Variants in XKR6 observed in about 807,000 individuals in gnomAD.
The protein encoded by XKR6 is XK-related protein 6.
In XKR6, 22 loss-of-function variants were observed where a neutral mutation model predicts 56.7. The ratio of observed to expected loss-of-function variants is 0.39; its 90% CI spans 0.28 to 0.55. The LOEUF is 0.55. Among genes scored for constraint, XKR6 ranks in the 20% least tolerant of loss-of-function variants. The probability of loss-of-function intolerance (pLI) is 0.66; values close to 1 mark genes in which losing one functional copy is unlikely to be tolerated. For missense variants in XKR6, 852 were observed against 889.0 expected (o/e 0.96, Z 0.53); for synonymous variants, 524 against 387.8 (o/e 1.35, Z -4.13).
intron 1 of XKR6, among the ~76,000 whole-genome samples, chr8:11,075,953 A>G (rs1044927210): frequency 1.1e-4 from 16 of 152,220 alleles, no homozygotes; most frequent in African/African-American, 3.4e-4. Flanking sequence ...TCAATAGCCA[A>G]AAGATGGAAG....
chr8:11,137,746 A>C (rs1226676707), intron 1 of XKR6: 1 of 455,702 alleles, frequency 2.2e-6, no homozygotes, highest in South Asian at 1.6e-5. Context: ...TTGGCTCTGA[A>C]TCGAATCCTG....
chr8:11,157,928 C>A (rs1024975060), intron 1 of XKR6, among the ~76,000 whole-genome samples: 1 of 152,146 alleles, frequency 6.6e-6, no homozygotes, highest in Non-Finnish European at 1.5e-5. Flanking sequence ...CTCCATCAAG[C>A]GGCATTAGAT....
chr8:11,010,275 C>A (rs896682590), intron 1 of XKR6, among the ~76,000 whole-genome samples: 2 of 152,144 alleles, frequency 1.3e-5, no homozygotes, highest in South Asian at 4.2e-4. Context: ...GATCCAATAA[C>A]CTCCCACCGG....
At chr8:11,187,695 G>C (rs1310511798) in intron 1 of XKR6, among the ~76,000 whole-genome samples, 1 of 152,118 alleles carries the variant, frequency 6.6e-6, no homozygotes, top group African/African-American at 2.4e-5. Context: ...GTGGGCATGG[G>C]GGTGGCTGGT....
chr8:11,099,041 G>A (rs916587231), intron 1 of XKR6, among the ~76,000 whole-genome samples: 5 of 152,060 alleles, frequency 3.3e-5, no homozygotes, highest in African/African-American at 1.2e-4. Flanking sequence ...TAGCCCCTGG[G>A]CACCCTCAAC....
intron 1 of XKR6, among the ~76,000 whole-genome samples, chr8:10,968,047 G>T (rs1320260335): frequency 6.6e-6 from 1 of 152,194 alleles, no homozygotes; most frequent in Non-Finnish European, 1.5e-5. Context: ...AGGCCCTGCA[G>T]CACCCCCCAG....
chr8:11,095,159 CAT>C (rs1173976776), intron 1 of XKR6, among the ~76,000 whole-genome samples: 1 of 152,210 alleles, frequency 6.6e-6, no homozygotes, highest in Non-Finnish European at 1.5e-5. Context: ...AATATTAACT[CAT>C]GAGTAGCGTT....
chr8:11,039,975 C>T (rs565626690), intron 1 of XKR6, among the ~76,000 whole-genome samples: 14 of 152,306 alleles, frequency 9.2e-5, no homozygotes, highest in Non-Finnish European at 1.6e-4. Flanking sequence ...TTATGCCACC[C>T]GGCTGGGGTT....
At chr8:11,148,231 CA>C (rs955337495) in intron 1 of XKR6, among the ~76,000 whole-genome samples, 3 of 150,842 alleles carry the variant, frequency 2.0e-5, no homozygotes, top group Non-Finnish European at 3.0e-5. Context: ...GACAAACAAA[CA>C]AAAAAAAACT....
chr8:11,087,446 C>T (rs746299634), intron 1 of XKR6, among the ~76,000 whole-genome samples: 13 of 152,140 alleles, frequency 8.5e-5, no homozygotes, highest in Non-Finnish European at 1.5e-4. Flanking sequence ...ATTAACTTTC[C>T]GCACAGCAAC....
At chr8:11,033,340 G>A (rs1226256243) in intron 1 of XKR6, among the ~76,000 whole-genome samples, 17 of 143,438 alleles carry the variant, frequency 1.2e-4, no homozygotes, top group African/African-American at 2.4e-4. Context: ...GGTGATGGTG[G>A]TGGTGATGAT....
At chr8:10,944,649 T>A (rs1369414210) in intron 1 of XKR6, among the ~76,000 whole-genome samples, 2 of 152,140 alleles carry the variant, frequency 1.3e-5, no homozygotes, top group Non-Finnish European at 2.9e-5. Flanking sequence ...GCTCTGAGTA[T>A]GAGAACAGAC....
At chr8:10,947,998 C>T (rs374204514) in intron 1 of XKR6, among the ~76,000 whole-genome samples, 15 of 152,158 alleles carry the variant, frequency 9.9e-5, no homozygotes, top group South Asian at 4.2e-4. Context: ...AGTCGTGTAG[C>T]GAAGTCCAGG....
At chr8:11,195,125 G>T in intron 1 of XKR6, 1 of 703,130 alleles carries the variant, frequency 1.4e-6, no homozygotes, top group South Asian at 1.5e-5. Flanking sequence ...GGATTTTTCA[G>T]ATGGGAGGAG....
rs534262420 is a variant in XKR6, at chr8:11,102,232, T to A, written c.764+98344A>T. On this transcript the variant is annotated intron_variant, in intron 1 of 2. Coordinates refer to ENST00000416569, the MANE Select transcript of XKR6 (RefSeq NM_173683.4). ...ACCTGCCCTCCATCCCAGCCCAGCA[T>A]CCCGAGGACTTGCCTGCTCTTTCCC... 4.6e-5 allele frequency among the ~76,000 whole-genome samples: 7 copies of A among 152,266 alleles called. No homozygotes were observed. The South Asian group carries it at 8.3e-4, about 18-fold the overall frequency.
intron 1 of XKR6, among the ~76,000 whole-genome samples, chr8:11,014,676 T>C (rs905321045): frequency 1.3e-5 from 2 of 152,154 alleles, no homozygotes; most frequent in South Asian, 2.1e-4. Flanking sequence ...AACACAGATA[T>C]GGGGCAAAGC....
chr8:11,108,495 T>C (rs1260657583), intron 1 of XKR6: 2 of 381,498 alleles, frequency 5.2e-6, no homozygotes, highest in South Asian at 2.0e-5. Context: ...GTACTCAACT[T>C]ATGAAATAAA....
chr8:11,098,498 G>T (rs1208669491), intron 1 of XKR6, among the ~76,000 whole-genome samples: 2 of 152,086 alleles, frequency 1.3e-5, no homozygotes, highest in East Asian at 3.9e-4. Context: ...GCACAATTTG[G>T]AACTGTATCT....
chr8:11,107,771 C>T lies in XKR6; in HGVS notation c.764+92805G>A, dbSNP rs369864831. On this transcript the variant is annotated intron_variant, in intron 1 of 2. Transcript: ENST00000416569. ...CTCCTCTCCTGCTGCTAGGTTCATC[C>T]GCAACAGACAGGAATGTTTGCGAGG... The T allele has an allele frequency of 3.9e-4, 61 of 154,748 alleles. No homozygotes were observed. In the South Asian group the frequency reaches 0.011, roughly 28 times the overall value. 9.6% of individuals were successfully genotyped at this position (154,748 alleles called of 1,614,324 possible). A position where few individuals can be genotyped will look rare whatever the true frequency, so the allele number is the denominator to read the frequency against.
Sources: gnomAD v4.1 joint callset for allele counts (sites outside exome capture counted in the v4.1 genomes callset) on GRCh38, gnomAD v4.1.1 for gene constraint, MANE v1.5 for transcripts, NCBI Gene and HGNC (gene_info 2026-07-23, HGNC 2026-07-21) for gene names.